GAA: variants seen among roughly 807,000 people sequenced by gnomAD.
GAA encodes the protein lysosomal alpha-glucosidase.
Under a neutral mutation model 103.9 loss-of-function variants are expected in GAA, and 88 were observed. The observed-to-expected ratio is 0.85, with a 90% CI of 0.71 to 1.01. The LOEUF is 1.01. GAA is among the 50% of genes least tolerant of loss of function. The pLI is 0.00. For synonymous variants in GAA, 572 were observed against 563.1 expected (o/e 1.02, Z -0.22); for missense variants, 1,350 against 1,305.3 (o/e 1.03, Z -0.53).
Position 80,113,287 on chromosome 17 carries a change from G to A in GAA, c.2110G>A (p.Ala704Thr), listed in dbSNP as rs375681364. The A allele has an allele frequency of 3.4e-5, 54 of 1,599,712 alleles. No homozygotes were observed. Among genetic ancestry groups the A allele is most frequent in the African/African-American group, 2.3e-4 (17 of 74,766 alleles). ...GAGGAAGGCCCTCACCCTGCGCTAC[G>A]CACTCCTCCCCCACCTCTACACACT... ...AMRKALTLRYALLPHLYTLFH... is the reference protein window; with the variant it reads ...AMRKALTLRYTLLPHLYTLFH... The change falls in exon 15 of 20, where the codon GCA becomes ACA. Residue 704 changes from alanine (A) to threonine (T), a missense_variant. Coordinates refer to ENST00000302262, the MANE Select transcript of GAA (RefSeq NM_000152.5).
chr17:80,114,201 C>T (rs2039313843), intron 15 of GAA, among the ~76,000 whole-genome samples: 1 of 151,770 alleles, frequency 6.6e-6, no homozygotes, highest in South Asian at 2.1e-4. Context: ...ACTGTAACAG[C>T]AGAGAAGGCA....
At chr17:80,112,407 C>A in intron 12 of GAA, 171 bp from the exon 13 acceptor site, 1 of 843,962 alleles carries the variant, frequency 1.2e-6, no homozygotes, top group Non-Finnish European at 1.9e-6. Flanking sequence ...CATCAGGTGG[C>A]CCAGACAGAG....
rs780285430 is a variant in GAA, at chr17:80,110,073, G to C, written c.1437+18G>C. On this transcript the variant is annotated intron_variant, in intron 9 of 19. Transcript: ENST00000302262. The stretch of plus-strand genomic sequence containing the variant: ...TTGGGAAGGTAGGGCGAGGGTCCAG[G>C]GGACGGGGGTTAGAAAGCAGAGGCC... The C allele has an allele frequency of 4.4e-6, 7 of 1,602,868 alleles. No homozygotes were observed. The highest frequency in any genetic ancestry group is 6.0e-6 in the Non-Finnish European group (7 of 1,170,830).
At chr17:80,111,292 G>A (rs914116047) in intron 11 of GAA, among the ~76,000 whole-genome samples, 29 of 152,348 alleles carry the variant, frequency 1.9e-4, no homozygotes, top group Admixed American at 7.8e-4. Context: ...ACTCAGAGCC[G>A]TCTCGATAGG....
At chr17:80,106,517 T>G (rs2039092900) in intron 3 of GAA, among the ~76,000 whole-genome samples, 4 of 143,386 alleles carry the variant, frequency 2.8e-5, no homozygotes, top group African/African-American at 5.3e-5. Flanking sequence ...TGTGCAGGAG[T>G]GGGGGGTGGG....
intron 8 of GAA, 117 bp downstream of exon 8, chr17:80,108,945 T>G (rs1040154501): frequency 1.1e-5 from 14 of 1,315,994 alleles, no homozygotes; most frequent in African/African-American, 1.5e-5. Context: ...TTTCTGAGGG[T>G]CTTTGTGATA....
chr17:80,113,876 T>G lies in GAA; in HGVS notation c.2189+510T>G, dbSNP rs4889963. On this transcript the variant is annotated intron_variant, in intron 15 of 19. Transcript: ENST00000302262. ...CTACTAAAAATACAAAAATTAGCCG[T>G]GCATGGTGGTGGGCGCCTGTAGTCC... Among the ~76,000 whole-genome samples the G allele has an allele frequency of 0.059, 8,814 of 148,618 alleles. 513 individuals carry two copies. Among genetic ancestry groups the G allele is most frequent in the South Asian group, 0.16 (729 of 4,638 alleles).
intron 15 of GAA, among the ~76,000 whole-genome samples, chr17:80,114,833 T>C (rs895285485): frequency 2.0e-5 from 3 of 152,260 alleles, no homozygotes; most frequent in Non-Finnish European, 4.4e-5. Context: ...CTGCTAGTGA[T>C]GAATTCTCTC....
intron 2 of GAA, 35 bp downstream of exon 2, chr17:80,105,167 C>T: frequency 1.3e-6 from 2 of 1,579,130 alleles, no homozygotes; most frequent in Non-Finnish European, 1.7e-6. Context: ...GCGGCCAGGG[C>T]AGAGGGTGCG....
At chr17:80,118,886 C>T in intron 19 of GAA, 81 bp downstream of exon 19, 1 of 1,529,502 alleles carries the variant, frequency 6.5e-7, no homozygotes, top group Non-Finnish European at 8.9e-7. Context: ...GTCCTGGTGA[C>T]CGATGCCAGG....
chr17:80,111,752 C>G, intron 11 of GAA: 1 of 568,128 alleles, frequency 1.8e-6, no homozygotes, highest in East Asian at 3.0e-5. Context: ...CTGCAGAGCC[C>G]AGGCTCCAGC....
In GAA at chr17:80,112,889, T is replaced by C; in HGVS notation, c.1902T>C (p.Phe634=). 1.9e-6 allele frequency: 3 copies of C among 1,609,536 alleles called. No individual in the cohort carries two copies. Among genetic ancestry groups the C allele is most frequent in the Non-Finnish European group, 2.5e-6 (3 of 1,178,308 alleles). ...CTGCCCTCCCAGAAATCCTGCAGTT[T>C]AACCTGCTGGGGGTGCCTCTGGTCG... is the stretch of plus-strand genomic sequence containing the variant. ...LASSVPEILQ[F]NLLGVPLVGA... is the part of the protein sequence containing the mutation. The change falls in exon 14 of 20, where the codon TTT becomes TTC. Residue 634 remains phenylalanine (F), a synonymous_variant. Transcript: ENST00000302262.
rs6565641 is a variant in GAA, at chr17:80,109,676, A to G, written c.1327-269A>G. ...TATAAAAGAAAAGTGATTACTGTAGAACACTTGGGAAACTCTAGAGGTTTA... is the reference window on the plus strand; with the variant it reads ...TATAAAAGAAAAGTGATTACTGTAGGACACTTGGGAAACTCTAGAGGTTTA... On this transcript the variant is annotated intron_variant, in intron 8 of 19. Transcript: ENST00000302262. Among the ~76,000 whole-genome samples the G allele has an allele frequency of 0.65, 99,591 of 152,078 alleles. 33,453 individuals are homozygous for G. The highest frequency in any genetic ancestry group is 0.85 in the Middle Eastern group (250 of 294).
Position 80,107,721 on chromosome 17 carries a change from C to T in GAA, c.857C>T (p.Thr286Met), listed in dbSNP as rs375310352. 1.9e-5 allele frequency: 26 copies of T among 1,403,180 alleles called. No individual in the cohort carries two copies. The highest frequency in any genetic ancestry group is 1.0e-4 in the South Asian group (8 of 76,512). The allele number at this position is 1,403,180 out of a possible 1,614,324, so 86.9% of individuals were successfully genotyped here. The change falls in exon 4 of 20, where the codon ACG (threonine) becomes ATG (methionine). Residue 286 changes from threonine to methionine, a missense_variant and splice_region_variant. Transcript: ENST00000302262. ...ITLWNRDLAPTPGANLYGSHP... is the reference protein window; with the variant it reads ...ITLWNRDLAPMPGANLYGSHP... ...CTGTGGAACCGGGACCTTGCGCCCA[C>T]GGTACAGCGGCGGGCGGCGGGCGGG...
In GAA at chr17:80,117,109, G is replaced by A. The variant is rs375311693; in HGVS notation, c.2331G>A (p.Thr777=). 23 of 1,612,210 alleles carry A rather than the reference G, an allele frequency of 1.4e-5. No homozygotes were observed. The highest frequency in any genetic ancestry group is 1.6e-4 in the Middle Eastern group (1 of 6,076). ...FPLGTWYDLQ[T]VPVEALGSLP... ...TGGGCACATGGTACGACCTGCAGAC[G>A]GTGAGTCTGGGGACCCTAAGCCCTG... Residue 777 remains threonine, a splice_region_variant and synonymous_variant, in exon 16 of 20, where the codon ACG becomes ACA. Coordinates refer to ENST00000302262, the MANE Select transcript of GAA (RefSeq NM_000152.5).
At chr17:80,106,469 A>G (rs2039091417) in intron 3 of GAA, among the ~76,000 whole-genome samples, 1 of 151,484 alleles carries the variant, frequency 6.6e-6, no homozygotes, top group South Asian at 2.1e-4. Context: ...CCAGCTGTGC[A>G]GATGTTGGGG....
chr17:80,110,926 G>T lies in GAA; in HGVS notation c.1552-15G>T. ...CTCTGGGCAGAGTCACCTACCAGCA[G>T]CGCTTCTCTTGCAGGACATGAACGA... On this transcript the variant is annotated splice_polypyrimidine_tract_variant and intron_variant, in intron 10 of 19. Coordinates refer to ENST00000302262, the MANE Select transcript of GAA (RefSeq NM_000152.5). 6.2e-7 allele frequency: 1 copy of T among 1,613,914 alleles called. No individual in the cohort carries two copies. The highest frequency in any genetic ancestry group is 8.5e-7 in the Non-Finnish European group (1 of 1,179,940).
At chr17:80,111,618 G>C (rs2039239087) in intron 11 of GAA, 1 of 347,332 alleles carries the variant, frequency 2.9e-6, no homozygotes, top group Non-Finnish European at 5.5e-6. Context: ...AGAAGGTTTG[G>C]GGGCCTGAGG....
chr17:80,105,134 TGGGCA>T lies in GAA; in HGVS notation c.546+11_546+15del. The T allele has an allele frequency of 3.1e-6, 5 of 1,603,328 alleles. No homozygotes were observed. Among genetic ancestry groups the T allele is most frequent in the Non-Finnish European group, 4.2e-6 (5 of 1,176,594 alleles). On this transcript the variant is annotated splice_donor_5th_base_variant and intron_variant, in intron 2 of 19. Coordinates refer to ENST00000302262, the MANE Select transcript of GAA (RefSeq NM_000152.5). ...ACTGAGAACCGCCTCCACTTCACGGTGGGCAGGGCAGGGGCGGGGGCGGCGGCCAG... is the reference window on the plus strand; with the variant it reads ...ACTGAGAACCGCCTCCACTTCACGGTGGGCAGGGGCGGGGGCGGCGGCCAG...
Sources: allele counts gnomAD v4.1 joint callset (sites outside exome capture counted in the v4.1 genomes callset), GRCh38; gene constraint gnomAD v4.1.1; transcripts MANE v1.5; gene names NCBI Gene and HGNC (gene_info 2026-07-23, HGNC 2026-07-21).